Variants in CCDC171 observed in about 807,000 individuals in gnomAD.
CCDC171 encodes coiled-coil domain-containing protein 171.
A neutral mutation model predicts 168.2 loss-of-function variants in CCDC171; 177 were observed. That is an observed-to-expected ratio of 1.05 (90% confidence interval 0.93 to 1.19). CCDC171 has a LOEUF of 1.19. CCDC171 is among the 50% of genes most tolerant of loss of function. The probability of loss-of-function intolerance (pLI) is 0.00; values close to 1 mark genes in which losing one functional copy is unlikely to be tolerated. For synonymous variants in CCDC171, 687 were observed against 540.8 expected (o/e 1.27, Z -3.75); for missense variants, 1,991 against 1,539.0 (o/e 1.29, Z -4.91).
At chr9:15,869,465 C>T (rs868518314) in intron 23 of CCDC171, among the ~76,000 whole-genome samples, 38 of 149,618 alleles carry the variant, frequency 2.5e-4, no homozygotes, top group African/African-American at 7.3e-4. Flanking sequence ...GCGTTTATAA[C>T]GGTGTTCTTA....
chr9:15,737,250 TATAC>T (rs2054557773), intron 16 of CCDC171, among the ~76,000 whole-genome samples: 7 of 152,230 alleles, frequency 4.6e-5, no homozygotes, highest in African/African-American at 1.7e-4. Context: ...AACAAAGAGG[TATAC>T]TATATATTTT....
chr9:15,936,556 G>A (rs1827143404), intron 25 of CCDC171, among the ~76,000 whole-genome samples: 1 of 151,940 alleles, frequency 6.6e-6, no homozygotes, highest in South Asian at 2.1e-4. Context: ...TGCAAGGCTG[G>A]TCAAGGCATG....
At chr9:15,881,390 A>G (rs1430273643) in intron 24 of CCDC171, among the ~76,000 whole-genome samples, 3 of 152,190 alleles carry the variant, frequency 2.0e-5, no homozygotes, top group Non-Finnish European at 4.4e-5. Flanking sequence ...ACATGTGATA[A>G]TTTAATACAT....
chr9:15,844,860 TC>T (rs1473285898), intron 21 of CCDC171, among the ~76,000 whole-genome samples: 1 of 152,080 alleles, frequency 6.6e-6, no homozygotes, highest in Non-Finnish European at 1.5e-5. Context: ...AGTCATGGAT[TC>T]CCTGAGATTG....
intron 21 of CCDC171, among the ~76,000 whole-genome samples, chr9:15,808,646 C>T (rs1369598578): frequency 1.3e-5 from 2 of 152,050 alleles, no homozygotes; most frequent in Admixed American, 1.3e-4. Context: ...ATTTTGGAAG[C>T]AGAGTAAGGT....
intron 6 of CCDC171, among the ~76,000 whole-genome samples, chr9:15,621,220 G>A (rs1406791086): frequency 6.6e-6 from 1 of 152,136 alleles, no homozygotes; most frequent in Non-Finnish European, 1.5e-5. Context: ...ATCTGCCTTG[G>A]CCTCCCAAAG....
intron 23 of CCDC171, among the ~76,000 whole-genome samples, chr9:15,859,611 C>G (rs1172615125): frequency 1.5e-5 from 2 of 137,348 alleles, no homozygotes; most frequent in Non-Finnish European, 3.1e-5. Flanking sequence ...TTCTGCCTTT[C>G]CCCCTCTGCC....
chr9:15,785,911 A>G (rs1264620495), intron 21 of CCDC171, among the ~76,000 whole-genome samples: 1 of 151,790 alleles, frequency 6.6e-6, no homozygotes, highest in African/African-American at 2.4e-5. Context: ...GTTTAAATTT[A>G]GAGACTTCAA....
chr9:15,888,832 C>T (rs1470915400), intron 24 of CCDC171, among the ~76,000 whole-genome samples: 1 of 151,952 alleles, frequency 6.6e-6, no homozygotes, highest in African/African-American at 2.4e-5. Flanking sequence ...CCTGACCTGC[C>T]CTAATTTTGT....
chr9:15,745,828 G>A (rs1266346279), intron 18 of CCDC171, among the ~76,000 whole-genome samples, 197 bp downstream of exon 18: 1 of 151,998 alleles, frequency 6.6e-6, no homozygotes, highest in African/African-American at 2.4e-5. Context: ...TATTTATGGG[G>A]AAATGACATT....
chr9:15,717,067 A>G (rs1394807090), intron 11 of CCDC171, among the ~76,000 whole-genome samples: 1 of 152,200 alleles, frequency 6.6e-6, no homozygotes, highest in Admixed American at 6.5e-5. Context: ...TAAACTTCAT[A>G]TCACTGAAAG....
At chr9:15,644,372 C>A (rs2046872047) in intron 7 of CCDC171, among the ~76,000 whole-genome samples, 2 of 152,148 alleles carry the variant, frequency 1.3e-5, no homozygotes, top group Non-Finnish European at 2.9e-5. Context: ...GTTCATCTCA[C>A]TGGGGCTTGT....
chr9:16,000,453 G>T (rs976210179), intron 3 of CCDC171, among the ~76,000 whole-genome samples: 33 of 152,084 alleles, frequency 2.2e-4, no homozygotes, highest in Admixed American at 1.6e-3. Context: ...AAGTTTCTAG[G>T]TAGAAAAAAA....
At chr9:15,889,793 T>C (rs1589009525) in intron 24 of CCDC171, among the ~76,000 whole-genome samples, 2 of 152,274 alleles carry the variant, frequency 1.3e-5, no homozygotes, top group East Asian at 1.9e-4. Context: ...GAATGCAGAT[T>C]TTTTGAAGGA....
At chr9:15,957,172 G>A (rs928877166) in intron 25 of CCDC171, among the ~76,000 whole-genome samples, 9 of 152,034 alleles carry the variant, frequency 5.9e-5, no homozygotes, top group Non-Finnish European at 1.0e-4. Context: ...ACATCTTGCT[G>A]TGTGTGAGCA....
At chr9:15,965,872 C>T (rs757726902) in intron 25 of CCDC171, among the ~76,000 whole-genome samples, 1 of 152,136 alleles carries the variant, frequency 6.6e-6, no homozygotes, top group East Asian at 1.9e-4. Context: ...TTCCTTCCAC[C>T]TTCAAAGCCC....
intron 7 of CCDC171, among the ~76,000 whole-genome samples, chr9:15,641,319 G>C (rs1417890879): frequency 6.6e-6 from 1 of 152,082 alleles, no homozygotes; most frequent in Non-Finnish European, 1.5e-5. Context: ...GTCTATTTTG[G>C]TGGACTAAAT....
intron 21 of CCDC171, among the ~76,000 whole-genome samples, chr9:15,789,416 C>T (rs61693916): frequency 0.077 from 11,722 of 152,104 alleles, 1,514 homozygotes; most frequent in African/African-American, 0.27. Flanking sequence ...GGAGCTTGAA[C>T]CTAAAGCTCC....
intron 18 of CCDC171, among the ~76,000 whole-genome samples, chr9:15,772,940 G>C (rs2057090415): frequency 1.3e-5 from 2 of 151,902 alleles, no homozygotes; most frequent in South Asian, 2.1e-4. Flanking sequence ...GTAGAACTGA[G>C]GTGGAATTAA....
Sources: allele counts gnomAD v4.1 joint callset (sites outside exome capture counted in the v4.1 genomes callset), GRCh38; gene constraint gnomAD v4.1.1; transcripts MANE v1.5; gene names NCBI Gene and HGNC (gene_info 2026-07-23, HGNC 2026-07-21).